The following FAM193A variants were observed in gnomAD, a reference collection of about 807,000 sequenced individuals.
The protein encoded by FAM193A is protein FAM193A.
A neutral mutation model predicts 126.5 loss-of-function variants in FAM193A; 22 were observed. That is an observed-to-expected ratio of 0.17 (90% CI 0.12 to 0.25). The LOEUF is 0.25. Among genes scored for constraint, FAM193A ranks in the 10% least tolerant of loss-of-function variants. The pLI is 1.00. For missense variants in FAM193A, 1,675 were observed against 1,672.8 expected (o/e 1.00, Z -0.02); for synonymous variants, 761 against 646.8 (o/e 1.18, Z -2.68).
chr4:2,685,404 G>T (rs1715621847), intron 13 of FAM193A, among the ~76,000 whole-genome samples: 1 of 152,196 alleles, frequency 6.6e-6, no homozygotes, highest in Non-Finnish European at 1.5e-5. Context: ...TTTAGATTGG[G>T]CAGGTAAAGC....
intron 2 of FAM193A, among the ~76,000 whole-genome samples, chr4:2,604,564 G>A (rs913558762): frequency 4.6e-5 from 7 of 152,124 alleles, no homozygotes; most frequent in African/African-American, 1.7e-4. Flanking sequence ...TATCATTCCT[G>A]TTACTGCACG....
chr4:2,683,893 T>C (rs1256063880), intron 13 of FAM193A, among the ~76,000 whole-genome samples: 1 of 152,242 alleles, frequency 6.6e-6, no homozygotes, highest in African/African-American at 2.4e-5. Flanking sequence ...CCTTGCAGTA[T>C]GGGAAGTTTC....
At chr4:2,601,531 G>A (rs1186182456) in intron 2 of FAM193A, among the ~76,000 whole-genome samples, 1 of 151,558 alleles carries the variant, frequency 6.6e-6, no homozygotes, top group Non-Finnish European at 1.5e-5. Context: ...CACCATACCC[G>A]GCTACTTTTT....
At chr4:2,674,938 T>C (rs1434269626) in intron 13 of FAM193A, among the ~76,000 whole-genome samples, 1 of 152,132 alleles carries the variant, frequency 6.6e-6, no homozygotes, top group Non-Finnish European at 1.5e-5. Context: ...ATATGGAGTA[T>C]AAGTTATTTG....
chr4:2,666,760 T>G (rs1399475669), intron 12 of FAM193A, among the ~76,000 whole-genome samples: 1 of 152,378 alleles, frequency 6.6e-6, no homozygotes, highest in East Asian at 1.9e-4. Flanking sequence ...TGTAGGAATT[T>G]ACTCATTTAA....
At chr4:2,625,551 C>CA (rs1313243578) in intron 3 of FAM193A, 156 bp downstream of exon 3, 3 of 464,536 alleles carry the variant, frequency 6.5e-6, no homozygotes, top group Admixed American at 3.8e-5. Context: ...ATGAGTAAGA[C>CA]AAAAACTGTT....
intron 13 of FAM193A, among the ~76,000 whole-genome samples, chr4:2,687,690 C>G (rs1205004796): frequency 3.9e-5 from 6 of 152,228 alleles, no homozygotes; most frequent in Admixed American, 3.9e-4. Context: ...CCTGACTAAC[C>G]TACTCGTCCT....
chr4:2,661,453 A>G (rs992336522), intron 10 of FAM193A, among the ~76,000 whole-genome samples: 2 of 152,118 alleles, frequency 1.3e-5, no homozygotes, highest in Non-Finnish European at 2.9e-5. Flanking sequence ...GAGTTACTTC[A>G]CTAGAACCTC....
At chr4:2,703,963 C>A (rs1233784222) in intron 19 of FAM193A, among the ~76,000 whole-genome samples, 2 of 149,740 alleles carry the variant, frequency 1.3e-5, no homozygotes, top group Non-Finnish European at 3.0e-5. Context: ...CAGAGTGAGA[C>A]CCTGTCTCTT....
intron 1 of FAM193A, among the ~76,000 whole-genome samples, chr4:2,577,618 C>T (rs1397150367): frequency 1.3e-5 from 2 of 151,756 alleles, no homozygotes; most frequent in African/African-American, 2.4e-5. Context: ...GGAGTTTTGC[C>T]GTGTTGGCCA....
chr4:2,543,597 C>G (rs1388508632), intron 1 of FAM193A, among the ~76,000 whole-genome samples: 2 of 151,936 alleles, frequency 1.3e-5, no homozygotes, highest in Non-Finnish European at 2.9e-5. Context: ...TGGCTCACGC[C>G]TGTAATCTTA....
At chr4:2,604,122 G>A (rs1431327294) in intron 2 of FAM193A, among the ~76,000 whole-genome samples, 1 of 152,014 alleles carries the variant, frequency 6.6e-6, no homozygotes, top group Non-Finnish European at 1.5e-5. Context: ...AAATTACAGG[G>A]GTGAGCCACC....
At chr4:2,647,241 G>A (rs1251643296) in intron 7 of FAM193A, among the ~76,000 whole-genome samples, 1 of 152,124 alleles carries the variant, frequency 6.6e-6, no homozygotes, top group African/African-American at 2.4e-5. Context: ...CGCCTCCCGG[G>A]TTCAAGTGAT....
At chr4:2,682,199 T>A (rs140139705) in intron 13 of FAM193A, among the ~76,000 whole-genome samples, 187 of 152,280 alleles carry the variant, frequency 1.2e-3, no homozygotes, top group African/African-American at 4.4e-3. Flanking sequence ...TTAGCCAGGA[T>A]GGTCTCGATC....
intron 12 of FAM193A, among the ~76,000 whole-genome samples, chr4:2,670,094 T>C (rs1488769350): frequency 6.6e-6 from 1 of 152,148 alleles, no homozygotes; most frequent in Admixed American, 6.5e-5. Context: ...CTGGCTGCTC[T>C]CCCACAGGCC....
chr4:2,707,542 T>A (rs1405432964), intron 19 of FAM193A, among the ~76,000 whole-genome samples: 1 of 152,108 alleles, frequency 6.6e-6, no homozygotes, highest in East Asian at 1.9e-4. Flanking sequence ...GCAAAATATC[T>A]CAGTATAATT....
intron 1 of FAM193A, among the ~76,000 whole-genome samples, chr4:2,577,808 T>A (rs140612190): frequency 4.9e-4 from 74 of 152,352 alleles, no homozygotes; most frequent in African/African-American, 1.7e-3. Flanking sequence ...AATCTCAAGC[T>A]GTTCATTTTT....
intron 13 of FAM193A, among the ~76,000 whole-genome samples, chr4:2,682,111 A>G (rs185671817): frequency 2.7e-4 from 41 of 150,734 alleles, no homozygotes; most frequent in Middle Eastern, 3.4e-3. Flanking sequence ...CAGCCTCCCA[A>G]GTAGCTGGGA....
rs1262898984 is a variant in FAM193A at position 2,700,347 on chromosome 4, A to G, written c.4175A>G (p.Lys1392Arg). ...ACAGAGCAGAAAAGAGAGGAGAGAA[A>G]AGTCAACAGTAATAACAATAACAAA... ...SITEQKREERKVNSNNNNKKQ... is the reference protein window; with the variant it reads ...SITEQKREERRVNSNNNNKKQ... The change falls in exon 19 of 21, where the codon AAA becomes AGA. Residue 1392 changes from lysine (K) to arginine (R), a missense_variant. Lys to Arg is a conservative substitution (Grantham distance 26). Coordinates refer to ENST00000637812, the MANE Select transcript of FAM193A (RefSeq NM_001366318.2). 1.2e-6 allele frequency: 2 copies of G among 1,613,950 alleles called. No individual in the cohort carries two copies. The highest frequency in any genetic ancestry group is 1.7e-5 in the Admixed American group (1 of 59,974).
Sources: gnomAD v4.1 joint callset for allele counts (sites outside exome capture counted in the v4.1 genomes callset) on GRCh38, gnomAD v4.1.1 for gene constraint, MANE v1.5 for transcripts, NCBI Gene and HGNC (gene_info 2026-07-23, HGNC 2026-07-21) for gene names.